Variants in ZNF185 observed in about 807,000 individuals in gnomAD.
The protein encoded by ZNF185 is zinc finger protein 185.
ZNF185 carries 56 observed loss-of-function variants against 58.6 expected under a neutral mutation model. The ratio of observed to expected loss-of-function variants is 0.95; its 90% CI spans 0.77 to 1.19. The LOEUF is 1.19. ZNF185 is among the 50% of genes most tolerant of loss of function. The probability of loss-of-function intolerance (pLI) is 0.00; values close to 1 mark genes in which losing one functional copy is unlikely to be tolerated. For synonymous variants in ZNF185, 230 were observed against 215.9 expected (o/e 1.07, Z -0.57); for missense variants, 627 against 573.5 (o/e 1.09, Z -0.95).
chrX:152,907,549 T>G, the ZNF185 span, among the ~76,000 whole-genome samples: 9 of 112,996 alleles, frequency 8.0e-5, no homozygotes, highest in Admixed American at 3.7e-4. Flanking sequence ...GATTGCCATC[T>G]CTCAGCCCAC....
At chrX:152,965,222 T>G (rs1296779708) in intron 18 of ZNF185, among the ~76,000 whole-genome samples, 6 of 112,194 alleles carry the variant, frequency 5.3e-5, no homozygotes, top group Non-Finnish European at 1.1e-4. Flanking sequence ...AGGAAGCCCC[T>G]TTCTGGGGCC....
chrX:152,956,313 C>G (rs982877452), intron 16 of ZNF185, among the ~76,000 whole-genome samples: 1 of 112,101 alleles, frequency 8.9e-6, no homozygotes, highest in Non-Finnish European at 1.9e-5. Context: ...ACTAAGTGAT[C>G]TTTTCATTAA....
At chrX:152,940,258 G>C (rs2047022845) in intron 15 of ZNF185, among the ~76,000 whole-genome samples, 1 of 110,947 alleles carries the variant, frequency 9.0e-6, no homozygotes, top group Non-Finnish European at 1.9e-5. Context: ...GGTCCTGAGA[G>C]CATGTGCCCA....
At chrX:152,913,584 G>A (rs1937684383), upstream of ZNF185, among the ~76,000 whole-genome samples, 1 of 112,536 alleles carries the variant, frequency 8.9e-6, no homozygotes, top group East Asian at 2.8e-4. Context: ...GTGGGCCAGG[G>A]CGTAAGGAAG....
intron 17 of ZNF185, among the ~76,000 whole-genome samples, chrX:152,962,022 G>A (rs916358907): frequency 8.9e-6 from 1 of 111,984 alleles, no homozygotes; most frequent in African/African-American, 3.2e-5. Flanking sequence ...GGATGGTTAG[G>A]GAAAGCTTTT....
chrX:152,922,781 C>T, exon 11 of ZNF185: 4 of 1,198,152 alleles, frequency 3.3e-6, no homozygotes, highest in Non-Finnish European at 4.5e-6. Context: ...GCCAAGTATG[C>T]CTAGCCCCGC....
At chrX:152,972,454 C>G (rs202187034) in exon 23 of ZNF185, 3 of 110,085 alleles carry the variant, frequency 2.7e-5, no homozygotes, top group Admixed American at 9.6e-5. Flanking sequence ...TGAATTATCC[C>G]CCCCCCCATG....
At chrX:152,929,579 C>T (rs1556875679) in intron 12 of ZNF185, among the ~76,000 whole-genome samples, 1 of 111,498 alleles carries the variant, frequency 9.0e-6, no homozygotes, top group Admixed American at 9.5e-5. Context: ...TTGGCTCCTC[C>T]CACTTTAATT....
exon 1 of ZNF185, chrX:152,914,490 A>G (rs1556863802): frequency 3.4e-6 from 4 of 1,186,149 alleles, no homozygotes; most frequent in Non-Finnish European, 4.5e-6. Context: ...AGCAATCACC[A>G]TGAGTATCTC....
chrX:152,916,526 C>T (rs903245338), intron 3 of ZNF185, among the ~76,000 whole-genome samples: 19 of 112,097 alleles, frequency 1.7e-4, no homozygotes, highest in East Asian at 8.4e-4. Context: ...GGCCTGGCCG[C>T]GCCCTCTCGT....
chrX:152,937,210 C>T (rs150490553), intron 14 of ZNF185, among the ~76,000 whole-genome samples: 149 of 111,809 alleles, frequency 1.3e-3, no homozygotes, highest in Non-Finnish European at 5.1e-4. Context: ...AATGGGTGGA[C>T]GTGGGGCAGG....
upstream of ZNF185, among the ~76,000 whole-genome samples, chrX:152,911,815 TCCATCCATCCCATC>T (rs1296829606): frequency 7.4e-5 from 4 of 54,261 alleles, no homozygotes; most frequent in Non-Finnish European, 1.3e-4. Flanking sequence ...TCCCATTCCA[TCCATCCATCCCATC>T]CCATCCATCC....
intron 16 of ZNF185, among the ~76,000 whole-genome samples, chrX:152,955,412 G>C (rs1556903908): frequency 8.9e-6 from 1 of 112,263 alleles, no homozygotes; most frequent in Non-Finnish European, 1.9e-5. Flanking sequence ...TGAGTAGAAG[G>C]TACCTCTTTA....
intron 15 of ZNF185, among the ~76,000 whole-genome samples, chrX:152,943,882 C>T (rs781799456): frequency 8.8e-6 from 1 of 113,136 alleles, no homozygotes; most frequent in African/African-American, 3.2e-5. Flanking sequence ...GTATGTTTGT[C>T]TTTGGCTCAA....
At chrX:152,963,711 T>G (rs2049802284) in intron 17 of ZNF185, 128 bp from the exon 20 acceptor site, 3 of 522,753 alleles carry the variant, frequency 5.7e-6, no homozygotes, top group African/African-American at 4.8e-5. Flanking sequence ...AGTGAGAAGT[T>G]CCATTTGTTG....
intron 11 of ZNF185, among the ~76,000 whole-genome samples, chrX:152,924,778 G>C (rs1210504577): frequency 3.6e-5 from 4 of 111,269 alleles, no homozygotes; most frequent in African/African-American, 1.3e-4. Context: ...TCCGCCTCCC[G>C]GGTTCAAGCG....
At chrX:152,955,554 TG>T (rs1556904053) in intron 16 of ZNF185, among the ~76,000 whole-genome samples, 2 of 112,773 alleles carry the variant, frequency 1.8e-5, no homozygotes, top group African/African-American at 6.4e-5. Context: ...TTTGGTCTGT[TG>T]GGTCCTAGTG....
intron 15 of ZNF185, among the ~76,000 whole-genome samples, chrX:152,938,833 G>GT (rs1556885448): frequency 4.5e-5 from 4 of 89,700 alleles, no homozygotes; most frequent in African/African-American, 1.8e-4. Context: ...AACAGCCGCA[G>GT]CTGAGATAGA....
chrX:152,957,634 C>T (rs1464310069), intron 16 of ZNF185, among the ~76,000 whole-genome samples: 3 of 112,332 alleles, frequency 2.7e-5, no homozygotes, highest in Non-Finnish European at 5.6e-5. Flanking sequence ...AGGATGGCGA[C>T]CTTGTCCAGT....
Sources: allele counts gnomAD v4.1 joint callset (sites outside exome capture counted in the v4.1 genomes callset), GRCh38; gene constraint gnomAD v4.1.1; transcripts MANE v1.5; gene names NCBI Gene and HGNC (gene_info 2026-07-23, HGNC 2026-07-21).